Variants in MEOX2 observed in about 807,000 individuals in gnomAD.
MEOX2 encodes the protein mesenchyme homeobox 2, also known as homeobox protein MOX-2.
A neutral mutation model predicts 27.0 loss-of-function variants in MEOX2; 11 were observed. The ratio of observed to expected loss-of-function variants is 0.41; its 90% CI spans 0.26 to 0.68. The LOEUF is 0.68. Among genes scored for constraint, MEOX2 ranks in the 30% least tolerant of loss-of-function variants. The pLI, the probability that MEOX2 is intolerant of heterozygous loss-of-function variation, is 0.33. For missense variants in MEOX2, 436 were observed against 385.4 expected (o/e 1.13, Z -1.10); for synonymous variants, 189 against 155.4 (o/e 1.22, Z -1.61).
intron 1 of MEOX2, among the ~76,000 whole-genome samples, chr7:15,645,081 T>G (rs146881079): frequency 6.6e-6 from 1 of 152,342 alleles, no homozygotes; most frequent in African/African-American, 2.4e-5. Flanking sequence ...TAAGGAGGTA[T>G]GATTAGCTAA....
At chr7:15,669,576 T>A (rs1489385736) in intron 1 of MEOX2, among the ~76,000 whole-genome samples, 9 of 152,220 alleles carry the variant, frequency 5.9e-5, no homozygotes, top group African/African-American at 1.7e-4. Context: ...ATAGTCCTCC[T>A]GCTTCCCACA....
chr7:15,625,031 C>A (rs1230909773), intron 2 of MEOX2, among the ~76,000 whole-genome samples: 1 of 152,074 alleles, frequency 6.6e-6, no homozygotes, highest in Admixed American at 6.6e-5. Flanking sequence ...CGTAGACCAC[C>A]CCCAAAATGT....
chr7:15,629,196 T>C (rs953700018), intron 1 of MEOX2, among the ~76,000 whole-genome samples: 2 of 152,090 alleles, frequency 1.3e-5, no homozygotes, highest in African/African-American at 4.8e-5. Context: ...TTGAAAGTGA[T>C]CTTCTTTAAC....
intron 1 of MEOX2, among the ~76,000 whole-genome samples, chr7:15,639,944 C>T (rs1205340240): frequency 2.0e-5 from 3 of 151,874 alleles, no homozygotes; most frequent in South Asian, 2.1e-4. Flanking sequence ...GTTTTGCTTA[C>T]GATTGCTTTG....
chr7:15,615,113 C>A (rs1218191599), intron 2 of MEOX2, among the ~76,000 whole-genome samples: 1 of 152,040 alleles, frequency 6.6e-6, no homozygotes, highest in East Asian at 1.9e-4. Flanking sequence ...ACTTACTAAA[C>A]AAAATAATCA....
At chr7:15,672,619 G>A (rs1425551537) in intron 1 of MEOX2, among the ~76,000 whole-genome samples, 1 of 151,666 alleles carries the variant, frequency 6.6e-6, no homozygotes, top group Non-Finnish European at 1.5e-5. Context: ...TGGGCAGGTC[G>A]CGGTGGCTCA....
chr7:15,685,909 C>T lies in MEOX2; in HGVS notation c.494G>A (p.Gly165Asp). 3 of 1,605,928 alleles carry T rather than the reference C, an allele frequency of 1.9e-6. No homozygotes were observed. Among genetic ancestry groups the T allele is most frequent in the Non-Finnish European group, 2.5e-6 (3 of 1,176,700 alleles). The change falls in exon 1 of 3, where the codon GGC (glycine) becomes GAC (aspartate). Residue 165 changes from glycine to aspartate, a missense_variant. Physicochemically the swap from Gly to Asp is moderately conservative, Grantham distance 94. Transcript: ENST00000262041. ...SPAEAEKRSG[G>D]KRKSDSSDSQ... ...ACCTGAGCTGTCGCTTTTCCTCTTG[C>T]CGCCGCTTCGCTTCTCCGCCTCCGC...
At chr7:15,633,887 G>C (rs771355090) in intron 1 of MEOX2, among the ~76,000 whole-genome samples, 4 of 151,698 alleles carry the variant, frequency 2.6e-5, no homozygotes, top group Non-Finnish European at 5.9e-5. Context: ...TCTGATTATA[G>C]ATTATAATTA....
At chr7:15,623,166 A>C (rs1474811579) in intron 2 of MEOX2, among the ~76,000 whole-genome samples, 4 of 152,182 alleles carry the variant, frequency 2.6e-5, no homozygotes, top group Non-Finnish European at 2.9e-5. Flanking sequence ...TCTGTTAATA[A>C]CTTTAAAACC....
intron 1 of MEOX2, among the ~76,000 whole-genome samples, chr7:15,673,147 A>C (rs182191002): frequency 3.8e-4 from 58 of 152,334 alleles, no homozygotes; most frequent in Admixed American, 2.6e-4. Flanking sequence ...ACCTAAGCCT[A>C]TGCTGGAAAA....
At position 15,612,420 on chromosome 7, in the gene MEOX2, G is replaced by C; in HGVS notation, c.882C>G (p.Asp294Glu). 1 of 1,614,048 alleles carries C rather than the reference G, an allele frequency of 6.2e-7. No individual in the cohort carries two copies. The highest frequency in any genetic ancestry group is 8.5e-7 in the Non-Finnish European group (1 of 1,179,934). Residue 294 changes from aspartate (D) to glutamate (E), a missense_variant, in exon 3 of 3, where the codon GAC becomes GAG. Physicochemically the swap from Asp to Glu is conservative, Grantham distance 45. Coordinates refer to ENST00000262041, the MANE Select transcript of MEOX2 (RefSeq NM_005924.5). ...GDSIANEDSH[D>E]SDHSSEHAHL ...GCGCATGCTCTGAGCTGTGGTCACT[G>C]TCGTGACTGTCTTCATTTGCTATAG...
chr7:15,662,251 A>T (rs146754724), intron 1 of MEOX2, among the ~76,000 whole-genome samples: 163 of 152,202 alleles, frequency 1.1e-3, no homozygotes, highest in African/African-American at 3.5e-3. Flanking sequence ...GAGGTCTTCA[A>T]ATAAGAATGT....
intron 1 of MEOX2, among the ~76,000 whole-genome samples, chr7:15,631,906 A>ATGTGTGTGTGTGTGTGTGTGTG (rs146116757): frequency 0.18 from 22,798 of 128,934 alleles, 2,390 homozygotes; most frequent in East Asian, 0.28. Flanking sequence ...CCAAGGTTAA[A>ATGTGTGTGTGTGTGTGTGTGTG]TGTGTGTGTG....
intron 1 of MEOX2, among the ~76,000 whole-genome samples, chr7:15,628,855 G>A (rs1321756577): frequency 6.6e-6 from 1 of 152,110 alleles, no homozygotes; most frequent in Non-Finnish European, 1.5e-5. Context: ...TCCGTGGGCT[G>A]TTCTTGCAGC....
chr7:15,654,731 C>T (rs535514687), intron 1 of MEOX2, among the ~76,000 whole-genome samples: 2 of 151,706 alleles, frequency 1.3e-5, no homozygotes, highest in Non-Finnish European at 3.0e-5. Context: ...TGCAACCCTA[C>T]AGTAAACACT....
In MEOX2 at chr7:15,686,396, G is replaced by A; in HGVS notation, c.7C>T (p.His3Tyr). The change falls in exon 1 of 3, where the codon CAC becomes TAC. Residue 3 changes from histidine to tyrosine, a missense_variant. Physicochemically the swap from His to Tyr is moderately conservative, Grantham distance 83 (BLOSUM62 2). Coordinates refer to ENST00000262041, the MANE Select transcript of MEOX2 (RefSeq NM_005924.5). ...CTGCGCAGGCAGCCAAAGAGCGGGT[G>A]TTCCATAGCATGCAAGTTTCGGGTT... is the stretch of plus-strand genomic sequence containing the variant. ME[H>Y]PLFGCLRSPH... is the part of the protein sequence containing the mutation. The A allele has an allele frequency of 1.3e-6, 2 of 1,569,264 alleles. No individual in the cohort carries two copies. The highest frequency in any genetic ancestry group is 8.6e-7 in the Non-Finnish European group (1 of 1,156,482).
In MEOX2 at chr7:15,667,289, C is replaced by CAAAAA. The variant is rs532691969; in HGVS notation, c.517+18592_517+18596dup. 2.3e-3 allele frequency among the ~76,000 whole-genome samples: 93 copies of CAAAAA among 40,968 alleles called. 11 individuals carry two copies. Among genetic ancestry groups the CAAAAA allele is most frequent in the East Asian group, 5.8e-3 (5 of 868 alleles). 26.9% of individuals were successfully genotyped at this position (40,968 alleles called of 152,430 possible). On this transcript the variant is annotated intron_variant, in intron 1 of 2. Coordinates refer to ENST00000262041, the MANE Select transcript of MEOX2 (RefSeq NM_005924.5). The stretch of plus-strand genomic sequence containing the variant: ...CTGGCAACAGAGTGAGACTCTGTCT[C>CAAAAA]AAAAAAAAAAAAAAAAAAAAAAAGT...
intron 2 of MEOX2, among the ~76,000 whole-genome samples, chr7:15,618,975 A>C (rs1781170181): frequency 1.3e-5 from 2 of 152,084 alleles, no homozygotes; most frequent in African/African-American, 4.8e-5. Flanking sequence ...TCTATTCTAA[A>C]CTGAATGCAT....
chr7:15,669,453 A>T (rs1583785368), intron 1 of MEOX2, among the ~76,000 whole-genome samples: 1 of 152,256 alleles, frequency 6.6e-6, no homozygotes, highest in South Asian at 2.1e-4. Flanking sequence ...ATGTCCAGTA[A>T]TATCTTTGCC....
Sources: allele counts gnomAD v4.1 joint callset (sites outside exome capture counted in the v4.1 genomes callset), GRCh38; gene constraint gnomAD v4.1.1; transcripts MANE v1.5; gene names NCBI Gene and HGNC (gene_info 2026-07-23, HGNC 2026-07-21).